Variants in HDDC2 observed in about 807,000 individuals in gnomAD.
The protein encoded by HDDC2 is HD domain containing 2, also known as 5'-deoxynucleotidase HDDC2.
A neutral mutation model predicts 25.5 loss-of-function variants in HDDC2; 25 were observed. That is an observed-to-expected ratio of 0.98 (90% CI 0.72 to 1.37). HDDC2 has a LOEUF of 1.37. Ranked by LOEUF, HDDC2 falls within the 40% of genes most tolerant of loss-of-function variation. The pLI is 0.00. For synonymous variants in HDDC2, 106 were observed against 89.7 expected (o/e 1.18, Z -1.03); for missense variants, 264 against 253.1 (o/e 1.04, Z -0.29).
chr6:125,295,159 G>C (rs985887489), intron 3 of HDDC2, among the ~76,000 whole-genome samples: 3 of 152,158 alleles, frequency 2.0e-5, no homozygotes, highest in Non-Finnish European at 4.4e-5. Flanking sequence ...GGCAAGCGAT[G>C]AGCCCTGACA....
chr6:125,300,293 T>C (rs1052184012), intron 2 of HDDC2: 7 of 459,182 alleles, frequency 1.5e-5, no homozygotes, highest in Non-Finnish European at 2.3e-5. Flanking sequence ...GGCCCCAATA[T>C]CACACTTAAG....
chr6:125,277,514 C>A, intron 4 of HDDC2: 1 of 352,836 alleles, frequency 2.8e-6, no homozygotes, highest in Non-Finnish European at 5.1e-6. Context: ...CTTTCAAGAT[C>A]TTTTCTTCCT....
At chr6:125,285,391 G>A (rs1423819753) in intron 4 of HDDC2, among the ~76,000 whole-genome samples, 1 of 152,052 alleles carries the variant, frequency 6.6e-6, no homozygotes, top group Non-Finnish European at 1.5e-5. Context: ...GGTTGTTTTA[G>A]AAACTAAGCA....
At chr6:125,287,446 T>C (rs1039587605) in intron 4 of HDDC2, among the ~76,000 whole-genome samples, 1 of 152,220 alleles carries the variant, frequency 6.6e-6, no homozygotes, top group African/African-American at 2.4e-5. Context: ...CTCATTATGC[T>C]ACTCTTGGCC....
In HDDC2 at chr6:125,296,998, T is replaced by C. The variant is rs1204022845; in HGVS notation, c.309+1716A>G. Among the ~76,000 whole-genome samples the C allele has an allele frequency of 2.0e-5, 3 of 152,224 alleles. No individual in the cohort carries two copies. The East Asian group carries it at 5.8e-4, about 29-fold the overall frequency. Reference sequence around the variant, plus strand: ...GCTTCCAGAGGGAAGTCTGTCTTTTTCCTCTAGGCCCCATTTTTCCTTGCC... The same window carrying C: ...GCTTCCAGAGGGAAGTCTGTCTTTTCCCTCTAGGCCCCATTTTTCCTTGCC... On this transcript the variant is annotated intron_variant, in intron 3 of 5. Transcript: ENST00000398153.
chr6:125,293,941 A>C (rs916472253), intron 3 of HDDC2, among the ~76,000 whole-genome samples: 6 of 152,240 alleles, frequency 3.9e-5, no homozygotes, highest in Non-Finnish European at 8.8e-5. Context: ...ATAAGAGTAG[A>C]GGGTGTCCTG....
At chr6:125,280,686 G>A (rs937119137) in intron 4 of HDDC2, among the ~76,000 whole-genome samples, 40 of 152,266 alleles carry the variant, frequency 2.6e-4, no homozygotes, top group Admixed American at 7.2e-4. Flanking sequence ...TCTGGGCAGA[G>A]CATCTCTGAA....
chr6:125,278,440 G>T (rs1053176149), intron 4 of HDDC2: 7 of 151,946 alleles, frequency 4.6e-5, no homozygotes, highest in African/African-American at 1.7e-4. Flanking sequence ...AGACCATTAG[G>T]AAATACAATA....
intron 4 of HDDC2, among the ~76,000 whole-genome samples, chr6:125,289,453 C>T (rs992988435): frequency 2.4e-5 from 3 of 126,734 alleles, no homozygotes; most frequent in African/African-American, 9.7e-5. Flanking sequence ...GCACAATGTG[C>T]ACATGTACCC....
At chr6:125,292,486 G>A (rs985117392) in intron 4 of HDDC2, among the ~76,000 whole-genome samples, 3 of 152,110 alleles carry the variant, frequency 2.0e-5, no homozygotes, top group Admixed American at 1.3e-4. Context: ...ACGTGCCGAG[G>A]TCACAGAACC....
At chr6:125,300,797 A>T in intron 1 of HDDC2, 138 bp from the exon 2 acceptor site, 2 of 794,428 alleles carry the variant, frequency 2.5e-6, no homozygotes, top group Non-Finnish European at 3.9e-6. Context: ...GTTTTGCTAA[A>T]CTAGCTAAAA....
At position 125,298,761 on chromosome 6, in the gene HDDC2, CTA is replaced by C; in HGVS notation, c.260_261del (p.Ile87SerfsTer5). ...TCTTTGGGGATGTTATCTGCTGGTG[CTA>C]TGTCCCCAACGATGCATTCTGCCAT... Reference protein sequence around the residue: ...HDMAECIVGDIAPADNIPKEE... With the variant: ...HDMAECIVGDXAPADNIPKEE... On this transcript the variant is annotated frameshift_variant, in exon 3 of 6. Transcript: ENST00000398153. LOFTEE classifies it high-confidence loss of function. 6.2e-7 allele frequency: 1 copy of C among 1,614,084 alleles called. No homozygotes were observed. Among genetic ancestry groups the C allele is most frequent in the Non-Finnish European group, 8.5e-7 (1 of 1,179,978 alleles).
chr6:125,291,449 G>A (rs529648512), intron 4 of HDDC2, among the ~76,000 whole-genome samples: 36 of 152,250 alleles, frequency 2.4e-4, no homozygotes, highest in Admixed American at 2.0e-3. Context: ...CTCTAGTGAG[G>A]TCTGGGACAG....
chr6:125,279,891 A>G (rs939857826), intron 4 of HDDC2, among the ~76,000 whole-genome samples: 13 of 152,246 alleles, frequency 8.5e-5, no homozygotes, highest in Non-Finnish European at 1.6e-4. Flanking sequence ...ACTCGAATCT[A>G]TATTTCAAAA....
chr6:125,298,558 C>T, intron 3 of HDDC2, 156 bp downstream of exon 3: 1 of 626,358 alleles, frequency 1.6e-6, no homozygotes, highest in Non-Finnish European at 2.8e-6. Flanking sequence ...CCCTGAATCT[C>T]TAAAAATATC....
Position 125,301,879 on chromosome 6 carries a change from C to G in HDDC2, c.54G>C (p.Leu18=). 1.9e-6 allele frequency: 3 copies of G among 1,550,598 alleles called. No homozygotes were observed. Among genetic ancestry groups the G allele is most frequent in the Non-Finnish European group, 2.6e-6 (3 of 1,149,012 alleles). Reference sequence around the variant, plus strand: ...GCTGCCCTACCAGCCGCAGGAACTGCAGTAGGGACCGAGCCCCGTGGCCCG... The same window carrying G: ...GCTGCCCTACCAGCCGCAGGAACTGGAGTAGGGACCGAGCCCCGTGGCCCG... The part of the protein sequence containing the change: ...TFSGHGARSL[L]QFLRLVGQLK... Residue 18 remains leucine (L), a synonymous_variant, in exon 1 of 6, where the codon CTG becomes CTC. Transcript: ENST00000398153.
chr6:125,281,730 T>A (rs903176115), intron 4 of HDDC2, among the ~76,000 whole-genome samples: 9 of 152,112 alleles, frequency 5.9e-5, no homozygotes, highest in African/African-American at 1.9e-4. Context: ...TTGACTGGCG[T>A]ACCAAAAAGT....
intron 4 of HDDC2, among the ~76,000 whole-genome samples, chr6:125,286,694 TAAAC>T (rs1173954637): frequency 1.3e-5 from 2 of 152,182 alleles, no homozygotes; most frequent in South Asian, 2.1e-4. Context: ...TATTTTAAAA[TAAAC>T]AAACAAAAAA....
At chr6:125,301,428 A>G (rs968088768) in intron 1 of HDDC2, among the ~76,000 whole-genome samples, 1 of 129,800 alleles carries the variant, frequency 7.7e-6, no homozygotes, top group African/African-American at 3.3e-5. Flanking sequence ...CCGTGCTCAG[A>G]AGCAGCCGCG....
Sources: gnomAD v4.1 joint callset for allele counts (sites outside exome capture counted in the v4.1 genomes callset) on GRCh38, gnomAD v4.1.1 for gene constraint, MANE v1.5 for transcripts, NCBI Gene and HGNC (gene_info 2026-07-23, HGNC 2026-07-21) for gene names.